RBFOX1: variants seen among roughly 807,000 people sequenced by gnomAD.
The protein encoded by RBFOX1 is RNA binding fox-1 homolog 1.
In RBFOX1, 8 loss-of-function variants were observed where a neutral mutation model predicts 57.7. That is an observed-to-expected ratio of 0.14 (90% CI 0.08 to 0.25). The LOEUF is 0.25. Ranked by LOEUF, RBFOX1 falls within the 10% of genes least tolerant of loss-of-function variation. The pLI, the probability that RBFOX1 is intolerant of heterozygous loss-of-function variation, is 1.00. For missense variants in RBFOX1, 611 were observed against 548.5 expected (o/e 1.11, Z -1.14); for synonymous variants, 326 against 222.4 (o/e 1.47, Z -4.15).
At chr16:6,526,518 T>A (rs2153810989) in intron 2 of RBFOX1, among the ~76,000 whole-genome samples, 1 of 152,168 alleles carries the variant, frequency 6.6e-6, no homozygotes, top group South Asian at 2.1e-4. Context: ...ACACAATATC[T>A]CATTTAATTC....
chr16:6,848,963 C>T (rs954357700), intron 3 of RBFOX1, among the ~76,000 whole-genome samples: 20 of 152,176 alleles, frequency 1.3e-4, no homozygotes, highest in African/African-American at 4.3e-4. Flanking sequence ...GCTTCATGCA[C>T]GCTTAACTAG....
chr16:6,796,786 C>T (rs1567285053), intron 3 of RBFOX1, among the ~76,000 whole-genome samples: 1 of 152,170 alleles, frequency 6.6e-6, no homozygotes, highest in Non-Finnish European at 1.5e-5. Context: ...CCAACTTCTT[C>T]TATGTCCCTC....
chr16:7,668,273 CT>C (rs2070098197), intron 13 of RBFOX1, among the ~76,000 whole-genome samples: 1 of 152,092 alleles, frequency 6.6e-6, no homozygotes, highest in African/African-American at 2.4e-5. Context: ...ATTGAAAGAC[CT>C]GCGTGATCCC....
intron 2 of RBFOX1, among the ~76,000 whole-genome samples, chr16:6,522,106 A>G (rs1000290334): frequency 1.3e-4 from 19 of 151,626 alleles, no homozygotes; most frequent in African/African-American, 1.7e-4. Flanking sequence ...CTTTGAATCA[A>G]TTTCCAAAGA....
intron 4 of RBFOX1, among the ~76,000 whole-genome samples, chr16:7,115,764 A>G (rs944721401): frequency 2.0e-5 from 3 of 152,208 alleles, no homozygotes; most frequent in East Asian, 1.9e-4. Flanking sequence ...TTTCATCCCT[A>G]TAATTAATTA....
intron 3 of RBFOX1, among the ~76,000 whole-genome samples, chr16:5,677,391 T>C (rs1278118663): frequency 2.6e-5 from 4 of 152,204 alleles, no homozygotes; most frequent in African/African-American, 7.2e-5. Flanking sequence ...AAAGAATTCT[T>C]AGGGGAAAAT....
chr16:7,305,902 T>G (rs908407026), intron 4 of RBFOX1, among the ~76,000 whole-genome samples: 21 of 152,202 alleles, frequency 1.4e-4, no homozygotes, highest in Middle Eastern at 3.2e-3. Context: ...TTCCACAATT[T>G]CTGTGCCTTT....
intron 4 of RBFOX1, among the ~76,000 whole-genome samples, chr16:7,085,557 G>A (rs1231544905): frequency 6.6e-6 from 1 of 152,116 alleles, no homozygotes; most frequent in Admixed American, 6.6e-5. Flanking sequence ...CACGTGTTCA[G>A]TAGAATATTT....
intron 9 of RBFOX1, among the ~76,000 whole-genome samples, chr16:7,603,754 A>T (rs2095160598): frequency 6.6e-6 from 1 of 152,312 alleles, no homozygotes; most frequent in African/African-American, 2.4e-5. Context: ...GTGGTACCAA[A>T]GAGGTACCAA....
intron 2 of RBFOX1, among the ~76,000 whole-genome samples, chr16:6,506,624 A>ATTTTTTTTTTT (rs71145238): frequency 1.4e-4 from 14 of 98,458 alleles, no homozygotes; most frequent in African/African-American, 5.2e-4. Context: ...ACAGTAGCTA[A>ATTTTTTTTTTT]TTTTTTTTTT....
intron 4 of RBFOX1, among the ~76,000 whole-genome samples, chr16:7,249,030 C>T (rs187366014): frequency 6.6e-6 from 1 of 151,996 alleles, no homozygotes; most frequent in African/African-American, 2.4e-5. Context: ...GAATACAGCA[C>T]TGCTCTGCAT....
intron 2 of RBFOX1, among the ~76,000 whole-genome samples, chr16:6,378,973 T>G (rs902293602): frequency 1.5e-4 from 23 of 151,998 alleles, no homozygotes; most frequent in Non-Finnish European, 3.4e-4. Context: ...AAAGTAGCAA[T>G]GGAGCAGGAA....
chr16:6,953,667 A>G (rs2081219765), intron 3 of RBFOX1, among the ~76,000 whole-genome samples: 1 of 152,208 alleles, frequency 6.6e-6, no homozygotes, highest in Admixed American at 6.5e-5. Context: ...GATTATGGGC[A>G]TGAGCCACAG....
chr16:7,241,792 T>G (rs1222915435), intron 4 of RBFOX1, among the ~76,000 whole-genome samples: 1 of 151,842 alleles, frequency 6.6e-6, no homozygotes, highest in African/African-American at 2.4e-5. Flanking sequence ...TCAATCTGTC[T>G]ATAAATGTAG....
chr16:7,115,619 C>T lies in RBFOX1; in HGVS notation c.27+63521C>T, dbSNP rs555342486. On this transcript the variant is annotated intron_variant, in intron 4 of 15. Transcript: ENST00000550418. ...CACAGATTTACCTCTGGAAAGGTGT[C>T]TTGGGACAAAGTACATAGCTCCTCC... 3.7e-4 allele frequency among the ~76,000 whole-genome samples: 56 copies of T among 152,270 alleles called. 1 individual carries two copies. Among genetic ancestry groups the T allele is most frequent in the African/African-American group, 1.2e-3 (50 of 41,568 alleles).
chr16:6,609,907 C>A (rs2098016451), intron 2 of RBFOX1, among the ~76,000 whole-genome samples: 1 of 152,036 alleles, frequency 6.6e-6, no homozygotes, highest in Non-Finnish European at 1.5e-5. Context: ...ACTTGGGAGG[C>A]TGAGGCACGA....
At chr16:6,712,263 T>C (rs2063841938) in intron 3 of RBFOX1, among the ~76,000 whole-genome samples, 1 of 152,174 alleles carries the variant, frequency 6.6e-6, no homozygotes, top group Non-Finnish European at 1.5e-5. Context: ...CCCTTAAGTG[T>C]CAATGCCATC....
At chr16:5,583,818 T>C (rs920599844) in intron 2 of RBFOX1, among the ~76,000 whole-genome samples, 4 of 152,224 alleles carry the variant, frequency 2.6e-5, no homozygotes, top group Non-Finnish European at 5.9e-5. Flanking sequence ...CTCAAGGTTA[T>C]AAGTCTGCTG....
intron 3 of RBFOX1, among the ~76,000 whole-genome samples, chr16:6,762,402 A>G (rs927668633): frequency 1.3e-5 from 2 of 152,176 alleles, no homozygotes; most frequent in Non-Finnish European, 2.9e-5. Flanking sequence ...ATTAGCAAAC[A>G]GTACTTAATT....
Sources: gnomAD v4.1 joint callset for allele counts (sites outside exome capture counted in the v4.1 genomes callset) on GRCh38, gnomAD v4.1.1 for gene constraint, MANE v1.5 for transcripts, NCBI Gene and HGNC (gene_info 2026-07-23, HGNC 2026-07-21) for gene names.